Variants in IL17RA observed in about 807,000 individuals in gnomAD.
The protein encoded by IL17RA is interleukin-17 receptor A.
Under a neutral mutation model 50.4 loss-of-function variants are expected in IL17RA, and 34 were observed. That is an observed-to-expected ratio of 0.67 (90% CI 0.51 to 0.90). The LOEUF (loss-of-function observed/expected upper bound fraction) is 0.90, where lower values mean the gene tolerates loss of function less well. Among genes scored for constraint, IL17RA ranks in the 40% least tolerant of loss-of-function variants. The probability of loss-of-function intolerance (pLI) is 0.00; values close to 1 mark genes in which losing one functional copy is unlikely to be tolerated. For synonymous variants in IL17RA, 585 were observed against 510.4 expected, an observed-to-expected ratio of 1.15 and a Z score of -1.97; for missense variants, 1,276 against 1,169.8, an observed-to-expected ratio of 1.09 and a Z score of -1.32.
chr22:17,086,970 T>G (rs1309270775), intron 1 of IL17RA, among the ~76,000 whole-genome samples: 2 of 152,136 alleles, frequency 1.3e-5, no homozygotes, highest in Non-Finnish European at 2.9e-5. Context: ...CAACTGTAAG[T>G]CAGGAGCAGA....
intron 1 of IL17RA, among the ~76,000 whole-genome samples, chr22:17,094,654 ACACTCT>A (rs1183189284): frequency 9.2e-5 from 2 of 21,622 alleles, no homozygotes; most frequent in Admixed American, 3.3e-4. Context: ...AGTCATACAC[ACACTCT>A]CTCTCTCTCT....
chr22:17,105,992 C>G (rs1232257086), intron 11 of IL17RA, 38 bp downstream of exon 11: 1 of 1,497,824 alleles, frequency 6.7e-7, no homozygotes, highest in Non-Finnish European at 9.3e-7. Flanking sequence ...GAGTCAGGCT[C>G]TAATACCAGC....
chr22:17,102,174 C>T lies in IL17RA; in HGVS notation c.634C>T (p.Leu212=), dbSNP rs1046787585. 2.0e-5 allele frequency: 32 copies of T among 1,614,166 alleles called. No homozygotes were observed. In the Middle Eastern group the frequency reaches 6.6e-4, roughly 33 times the overall value. Reference sequence around the variant, plus strand: ...GGACCCCAACATCACCGTGGAGACCCTGGAGGCCCACCAGCTGCGTGTGAG... The same window carrying T: ...GGACCCCAACATCACCGTGGAGACCTTGGAGGCCCACCAGCTGCGTGTGAG... ...LWDPNITVET[L]EAHQLRVSFT... The change falls in exon 7 of 13, where the codon CTG becomes TTG. Residue 212 remains leucine (L), a synonymous_variant. Transcript: ENST00000319363.
intron 1 of IL17RA, among the ~76,000 whole-genome samples, chr22:17,094,134 C>A (rs1387972876): frequency 1.3e-5 from 2 of 152,050 alleles, no homozygotes; most frequent in Non-Finnish European, 2.9e-5. Flanking sequence ...CAGGCACATG[C>A]CACCACACCC....
At position 17,097,797 on chromosome 22, in the gene IL17RA, G is replaced by A. The variant is rs1568918537; in HGVS notation, c.164G>A (p.Ser55Asn). 6.2e-7 allele frequency: 1 copy of A among 1,614,138 alleles called. No individual in the cohort carries two copies. Among genetic ancestry groups the A allele is most frequent in the African/African-American group, 1.3e-5 (1 of 75,048 alleles). The change falls in exon 3 of 13, where the codon AGT becomes AAT. Residue 55 changes from serine to asparagine, a missense_variant and splice_region_variant. Physicochemically the swap from Ser to Asn is conservative, Grantham distance 46. Transcript: ENST00000319363. ...AATGTTGCTTTTCCCTGGCTGCCAGGTACCTGCCTGGATGACAGCTGGATT... is the reference window on the plus strand; with the variant it reads ...AATGTTGCTTTTCCCTGGCTGCCAGATACCTGCCTGGATGACAGCTGGATT... ...QPGLNCTVKN[S>N]TCLDDSWIHP... is the part of the protein sequence containing the mutation.
rs972067652 is a variant in IL17RA, at chr22:17,100,295, A to G, written c.424-60A>G. 1.1e-5 allele frequency: 18 copies of G among 1,610,198 alleles called. No individual in the cohort carries two copies. The African/African-American group carries it at 1.9e-4, about 17-fold the overall frequency. ...TGGGTGGGAACGGGGGTCTTTGGGCATAGATGGGTGACAGAGGTGTGTGTA... is the reference window on the plus strand; with the variant it reads ...TGGGTGGGAACGGGGGTCTTTGGGCGTAGATGGGTGACAGAGGTGTGTGTA... On this transcript the variant is annotated intron_variant, in intron 4 of 12. Coordinates refer to ENST00000319363, the MANE Select transcript of IL17RA (RefSeq NM_014339.7).
chr22:17,099,675 C>G (rs1261890427), intron 4 of IL17RA, among the ~76,000 whole-genome samples: 1 of 152,154 alleles, frequency 6.6e-6, no homozygotes, highest in Non-Finnish European at 1.5e-5. Context: ...TTAGGACCCC[C>G]AAACTTGACT....
intron 4 of IL17RA, among the ~76,000 whole-genome samples, chr22:17,100,120 T>C (rs969476970): frequency 7.4e-6 from 1 of 134,758 alleles, no homozygotes; most frequent in African/African-American, 2.7e-5. Context: ...CACTGTCTAC[T>C]GATGAGGCCA....
In IL17RA at chr22:17,097,912, G is replaced by A; in HGVS notation, c.279G>A (p.Val93=). The part of the protein sequence containing the change: ...AHTQQGDLFP[V]AHIEWTLQTD... ...CCCAACAAGGAGACCTGTTCCCCGT[G>A]GCTCACATCGAATGGACACTGCAGA... is the stretch of plus-strand genomic sequence containing the variant. Residue 93 remains valine, a synonymous_variant, in exon 3 of 13, where the codon GTG becomes GTA. Transcript: ENST00000319363. 1 of 1,614,164 alleles carries A rather than the reference G, an allele frequency of 6.2e-7. No homozygotes were observed. Among genetic ancestry groups the A allele is most frequent in the South Asian group, 1.1e-5 (1 of 91,084 alleles).
At chr22:17,103,123 C>T (rs1248632662) in intron 7 of IL17RA, among the ~76,000 whole-genome samples, 1 of 152,120 alleles carries the variant, frequency 6.6e-6, no homozygotes, top group East Asian at 1.9e-4. Flanking sequence ...GCCTGGGTGA[C>T]AAGAGTGATA....
rs780850931 is a variant in IL17RA at position 17,098,876 on chromosome 22, C to T, written c.412C>T (p.His138Tyr). 4.3e-6 allele frequency: 7 copies of T among 1,613,918 alleles called. No homozygotes were observed. The highest frequency in any genetic ancestry group is 1.6e-4 in the Middle Eastern group (1 of 6,062). ...RFEFLSKLRH[H>Y]HRRWRFTFSH... ...TGAGTTTCTGTCCAAACTGAGGCAT[C>T]ACCACAGGCGGGTAAGAACACAGCT... is the stretch of plus-strand genomic sequence containing the variant. The change falls in exon 4 of 13, where the codon CAC becomes TAC. Residue 138 changes from histidine (H) to tyrosine (Y), a missense_variant. Transcript: ENST00000319363.
intron 5 of IL17RA, 114 bp from the exon 6 acceptor site, chr22:17,101,882 C>G: frequency 7.5e-7 from 1 of 1,337,540 alleles, no homozygotes; most frequent in Admixed American, 1.8e-5. Context: ...GAAGGGGCCA[C>G]CTGCGGACAG....
rs1568923752 is a variant in IL17RA at position 17,108,928 on chromosome 22, C to G, written c.1709C>G (p.Ala570Gly). The G allele has an allele frequency of 1.9e-6, 3 of 1,611,642 alleles. No individual in the cohort carries two copies. The highest frequency in any genetic ancestry group is 2.5e-6 in the Non-Finnish European group (3 of 1,179,578). Residue 570 changes from alanine to glycine, a missense_variant, in exon 13 of 13, where the codon GCC becomes GGC. Physicochemically the swap from Ala to Gly is moderately conservative, Grantham distance 60 (BLOSUM62 0). Coordinates refer to ENST00000319363, the MANE Select transcript of IL17RA (RefSeq NM_014339.7). ...CCGGGCGGCAGGCAGCTCCGCGCCGCCCTGGACAGGTTCCGGGACTGGCAG... is the reference window on the plus strand; with the variant it reads ...CCGGGCGGCAGGCAGCTCCGCGCCGGCCTGGACAGGTTCCGGGACTGGCAG... ...RSPGGRQLRA[A>G]LDRFRDWQVR...
At chr22:17,094,717 A>ATATATATATATC (rs2061362956) in intron 1 of IL17RA, among the ~76,000 whole-genome samples, 1 of 110,662 alleles carries the variant, frequency 9.0e-6, no homozygotes, top group Non-Finnish European at 1.8e-5. Flanking sequence ...ATATATATAT[A>ATATATATATATC]TTCAGGGAGA....
rs751608278 is a variant in IL17RA, at chr22:17,109,045, C to T, written c.1826C>T (p.Pro609Leu). The change falls in exon 13 of 13, where the codon CCA becomes CTA. Residue 609 changes from proline to leucine, a missense_variant. Pro to Leu is a moderately conservative substitution (Grantham distance 98, BLOSUM62 -3). Transcript: ENST00000319363. Reference sequence around the variant, plus strand: ...CTGGACGAAGAGGTGTTTGAGGAGCCACTGCTGCCTCCGGGAACCGGCATC... The same window carrying T: ...CTGGACGAAGAGGTGTTTGAGGAGCTACTGCTGCCTCCGGGAACCGGCATC... ...PSLDEEVFEE[P>L]LLPPGTGIVK... 5 of 1,592,006 alleles carry T rather than the reference C, an allele frequency of 3.1e-6. No homozygotes were observed. In the African/African-American group the frequency reaches 5.3e-5, roughly 17 times the overall value.
chr22:17,110,546 G>A lies in IL17RA; in HGVS notation c.*726G>A, dbSNP rs1235473951. The A allele has an allele frequency of 6.5e-6, 1 of 153,162 alleles. No individual in the cohort carries two copies. The highest frequency in any genetic ancestry group is 1.9e-4 in the East Asian group (1 of 5,182). 9.5% of individuals were successfully genotyped at this position (153,162 alleles called of 1,614,324 possible). A position where few individuals can be genotyped will look rare whatever the true frequency, so the allele number is the denominator to read the frequency against. On this transcript the variant is annotated 3_prime_UTR_variant, in exon 13 of 13. Coordinates refer to ENST00000319363, the MANE Select transcript of IL17RA (RefSeq NM_014339.7). ...GTCACGCGGGATGTAAACGCTGAAT[G>A]GGCCAGGTGCAGTGGCTCATGCTTG... is the stretch of plus-strand genomic sequence containing the variant.
intron 1 of IL17RA, among the ~76,000 whole-genome samples, chr22:17,095,131 A>G (rs985289780): frequency 2.0e-5 from 3 of 152,208 alleles, no homozygotes; most frequent in Non-Finnish European, 4.4e-5. Context: ...TAAATAAAAT[A>G]TTAGCAAATG....
chr22:17,092,800 T>C (rs2061352611), intron 1 of IL17RA, among the ~76,000 whole-genome samples: 1 of 152,244 alleles, frequency 6.6e-6, no homozygotes, highest in South Asian at 2.1e-4. Flanking sequence ...ATCTAGTCAA[T>C]CATATTTTGT....
Position 17,115,513 on chromosome 22 carries a change from G to C in IL17RA, c.*5693G>C, listed in dbSNP as rs1220773787. 6.6e-6 allele frequency: 1 copy of C among 152,174 alleles called. No homozygotes were observed. Among genetic ancestry groups the C allele is most frequent in the East Asian group, 1.9e-4 (1 of 5,204 alleles). The allele number at this position is 152,174 out of a possible 1,614,324, so 9.4% of individuals were successfully genotyped here. A position where few individuals can be genotyped will look rare whatever the true frequency, so the allele number is the denominator to read the frequency against. On this transcript the variant is annotated 3_prime_UTR_variant, in exon 13 of 13. Transcript: ENST00000319363. ...TGAGTGAAACGCCTGCTTAGCATTT[G>C]GCACAGCCAGAAGCAGCAAGCTAGG...
Sources: allele counts gnomAD v4.1 joint callset (sites outside exome capture counted in the v4.1 genomes callset), GRCh38; gene constraint gnomAD v4.1.1; transcripts MANE v1.5; gene names NCBI Gene and HGNC (gene_info 2026-07-23, HGNC 2026-07-21).